Variants in UTRN observed in about 807,000 individuals in gnomAD.
The protein encoded by UTRN is utrophin, also known as dystrophin-related protein 1.
Under a neutral mutation model 463.9 loss-of-function variants are expected in UTRN, and 283 were observed. The ratio of observed to expected loss-of-function variants is 0.61; its 90% CI spans 0.55 to 0.67. The LOEUF is 0.67. UTRN is among the 30% of genes least tolerant of loss of function. UTRN has a pLI of 0.00. For missense variants in UTRN, 3,922 were observed against 4,084.3 expected, an observed-to-expected ratio of 0.96 and a Z score of 1.08; for synonymous variants, 1,442 against 1,431.5, an observed-to-expected ratio of 1.01 and a Z score of -0.17.
At chr6:144,815,594 GT>G (rs1328540587) in intron 65 of UTRN, among the ~76,000 whole-genome samples, 4 of 152,226 alleles carry the variant, frequency 2.6e-5, no homozygotes, top group African/African-American at 9.6e-5. Flanking sequence ...AGAACTTGGA[GT>G]TTATGTTCGA....
chr6:144,762,830 A>G (rs1191991280), intron 58 of UTRN, among the ~76,000 whole-genome samples: 1 of 152,224 alleles, frequency 6.6e-6, no homozygotes, highest in Non-Finnish European at 1.5e-5. Flanking sequence ...ATGGTTCTCT[A>G]TACATCCGGC....
At chr6:144,815,521 C>T (rs1182484404) in intron 65 of UTRN, among the ~76,000 whole-genome samples, 2 of 152,216 alleles carry the variant, frequency 1.3e-5, no homozygotes, top group East Asian at 3.9e-4. Context: ...GTGCAGCCTT[C>T]AGTCTGTGGC....
rs60974172 is a variant in UTRN at position 144,451,687 on chromosome 6, G to GT, written c.2196+206dup. ...GTCATCAGATCCCTATTTGGAGGAC[G>GT]TTTTTTTTTTTTCATCTTTGTCAGT... On this transcript the variant is annotated intron_variant, in intron 18 of 74. Coordinates refer to ENST00000367545, the MANE Select transcript of UTRN (RefSeq NM_007124.3). Among the ~76,000 whole-genome samples the GT allele has an allele frequency of 2.3e-3, 342 of 146,164 alleles. 1 individual carries two copies. Among genetic ancestry groups the GT allele is most frequent in the South Asian group, 3.7e-3 (17 of 4,610 alleles).
chr6:144,709,800 T>C (rs1053958631), intron 53 of UTRN, among the ~76,000 whole-genome samples: 1 of 152,228 alleles, frequency 6.6e-6, no homozygotes, highest in Non-Finnish European at 1.5e-5. Flanking sequence ...ACAACCTTTA[T>C]TTAGGGGTTG....
intron 6 of UTRN, 133 bp from the exon 7 acceptor site, chr6:144,426,154 T>A (rs1275524810): frequency 9.0e-7 from 1 of 1,115,108 alleles, no homozygotes; most frequent in Non-Finnish European, 1.2e-6. Flanking sequence ...AAATCTGAAG[T>A]AAAATGAATG....
chr6:144,796,881 A>G (rs1215116095), intron 63 of UTRN, among the ~76,000 whole-genome samples: 1 of 152,226 alleles, frequency 6.6e-6, no homozygotes, highest in Non-Finnish European at 1.5e-5. Flanking sequence ...AATATGATTT[A>G]TAGTCATACA....
chr6:144,460,970 T>C (rs964125295), intron 21 of UTRN, among the ~76,000 whole-genome samples: 2 of 152,176 alleles, frequency 1.3e-5, no homozygotes, highest in African/African-American at 4.8e-5. Context: ...AAAATTATAG[T>C]GGGTTAGTTA....
chr6:144,800,339 A>C (rs1445502596), intron 64 of UTRN, among the ~76,000 whole-genome samples: 1 of 152,232 alleles, frequency 6.6e-6, no homozygotes, highest in African/African-American at 2.4e-5. Context: ...GAAATATTTA[A>C]TAAGAAAAAT....
intron 60 of UTRN, 105 bp from the exon 61 acceptor site, chr6:144,781,817 G>T (rs1775854691): frequency 2.6e-6 from 2 of 774,716 alleles, no homozygotes; most frequent in Admixed American, 6.1e-5. Flanking sequence ...TTAAATTGAA[G>T]AATCAAGCTA....
rs886369154 is a variant in UTRN, at chr6:144,667,523, G to A, written c.7480-10883G>A. Among the ~76,000 whole-genome samples the A allele has an allele frequency of 2.0e-5, 3 of 152,182 alleles. No individual in the cohort carries two copies. In the South Asian group the frequency reaches 6.2e-4, roughly 32 times the overall value. On this transcript the variant is annotated intron_variant, in intron 51 of 74. Coordinates refer to ENST00000367545, the MANE Select transcript of UTRN (RefSeq NM_007124.3). ...GCCAGGTTCTCCTTGGCAATAGAGA[G>A]CAAAGAGGTGCCTTGCTTGTCGTGT...
At chr6:144,372,870 C>T (rs1453644597) in intron 2 of UTRN, among the ~76,000 whole-genome samples, 3 of 152,086 alleles carry the variant, frequency 2.0e-5, no homozygotes, top group Non-Finnish European at 4.4e-5. Flanking sequence ...ATAGATATTT[C>T]TCCAGAAAAG....
intron 53 of UTRN, among the ~76,000 whole-genome samples, chr6:144,709,767 G>T (rs1785477462): frequency 6.6e-6 from 1 of 152,138 alleles, no homozygotes; most frequent in Non-Finnish European, 1.5e-5. Flanking sequence ...TCTCATAAAT[G>T]CAAGTTTTGA....
intron 25 of UTRN, among the ~76,000 whole-genome samples, chr6:144,477,560 A>ACG (rs1402185603): frequency 2.7e-5 from 4 of 150,874 alleles, no homozygotes; most frequent in African/African-American, 9.8e-5. Context: ...ACACACACAC[A>ACG]CGCACACACC....
chr6:144,639,424 T>C (rs1213073421), intron 51 of UTRN, among the ~76,000 whole-genome samples: 1 of 152,214 alleles, frequency 6.6e-6, no homozygotes, highest in Non-Finnish European at 1.5e-5. Context: ...CCCAGGCTTC[T>C]GTAACAATCT....
intron 54 of UTRN, among the ~76,000 whole-genome samples, chr6:144,738,376 C>G (rs1418777599): frequency 6.6e-6 from 1 of 152,212 alleles, no homozygotes; most frequent in East Asian, 1.9e-4. Context: ...CACCCCTACC[C>G]CCAAACCTCC....
At chr6:144,749,698 A>G (rs1406969846) in intron 55 of UTRN, among the ~76,000 whole-genome samples, 5 of 152,238 alleles carry the variant, frequency 3.3e-5, no homozygotes, top group Non-Finnish European at 7.3e-5. Context: ...ACACCTGACC[A>G]TAAAAAGAAA....
At chr6:144,575,868 A>C (rs763105822) in intron 50 of UTRN, among the ~76,000 whole-genome samples, 2 of 152,238 alleles carry the variant, frequency 1.3e-5, no homozygotes, top group Middle Eastern at 6.8e-3. Flanking sequence ...CAGAAAATTT[A>C]TCATCCTCCA....
intron 51 of UTRN, among the ~76,000 whole-genome samples, chr6:144,609,737 G>A (rs757005630): frequency 2.6e-5 from 4 of 152,172 alleles, no homozygotes; most frequent in Non-Finnish European, 4.4e-5. Flanking sequence ...TGTTCTTTCA[G>A]ATCACAGTGG....
chr6:144,496,024 G>A (rs1207644233), intron 33 of UTRN, among the ~76,000 whole-genome samples: 1 of 152,050 alleles, frequency 6.6e-6, no homozygotes, highest in Non-Finnish European at 1.5e-5. Flanking sequence ...TAATCTACCA[G>A]GATTTGAAAT....
Sources: gnomAD v4.1 joint callset for allele counts (sites outside exome capture counted in the v4.1 genomes callset) on GRCh38, gnomAD v4.1.1 for gene constraint, MANE v1.5 for transcripts, NCBI Gene and HGNC (gene_info 2026-07-23, HGNC 2026-07-21) for gene names.